Variants in TSC22D1 observed in about 807,000 individuals in gnomAD.
TSC22D1 encodes TSC22 domain family member 1, also known as TSC22 domain family protein 1.
Under a neutral mutation model 74.2 loss-of-function variants are expected in TSC22D1, and 9 were observed. The observed-to-expected ratio is 0.12, with a 90% confidence interval of 0.07 to 0.21. TSC22D1 has a LOEUF of 0.21. Ranked by LOEUF, TSC22D1 falls within the 10% of genes least tolerant of loss-of-function variation. The pLI is 1.00. For missense variants in TSC22D1, 1,427 were observed against 1,304.7 expected (o/e 1.09, Z -1.44); for synonymous variants, 586 against 492.5 (o/e 1.19, Z -2.51).
At chr13:44,435,482 G>A (rs995674133) in intron 2 of TSC22D1, among the ~76,000 whole-genome samples, 1 of 152,224 alleles carries the variant, frequency 6.6e-6, no homozygotes, top group Non-Finnish European at 1.5e-5. Flanking sequence ...CACAGGCGCT[G>A]CTCCAATAAC....
intron 1 of TSC22D1, among the ~76,000 whole-genome samples, chr13:44,517,857 A>ATATATATATTTTTTTTTTTT (rs10627677): frequency 6.2e-5 from 1 of 16,178 alleles, no homozygotes; most frequent in Non-Finnish European, 1.4e-4. Flanking sequence ...ATATATATAT[A>ATATATATATTTTTTTTTTTT]TTTTTTTTTT....
intron 1 of TSC22D1, among the ~76,000 whole-genome samples, chr13:44,549,154 A>T (rs886892569): frequency 3.3e-5 from 5 of 152,176 alleles, no homozygotes; most frequent in Non-Finnish European, 7.3e-5. Flanking sequence ...TATCTATTCA[A>T]GTTCCTCCGT....
In TSC22D1 at chr13:44,495,732, G is replaced by C. The variant is rs147957594; in HGVS notation, c.2913-59637C>G. ...CTACAACCAACTGATTTCAGAAAAG[G>C]GTGTCAAGACCATCCAAAGGAGAAA... On this transcript the variant is annotated intron_variant, in intron 1 of 2. Transcript: ENST00000458659. Among the ~76,000 whole-genome samples, 97 of 152,176 alleles carry C rather than the reference G, an allele frequency of 6.4e-4. 1 individual carries two copies. Among genetic ancestry groups the C allele is most frequent in the Admixed American group, 5.1e-3 (78 of 15,290 alleles).
chr13:44,457,101 C>T (rs747647457), intron 1 of TSC22D1, among the ~76,000 whole-genome samples: 18 of 152,202 alleles, frequency 1.2e-4, no homozygotes, highest in East Asian at 9.6e-4. Context: ...ACAATTTGAG[C>T]GTAATGCACA....
chr13:44,487,522 A>AAAAAAAAAAG (rs1878497347), intron 1 of TSC22D1, among the ~76,000 whole-genome samples: 5 of 148,422 alleles, frequency 3.4e-5, no homozygotes, highest in Non-Finnish European at 7.5e-5. Context: ...AAAAAAAAAA[A>AAAAAAAAAAG]AAAAAGAAAA....
chr13:44,447,379 C>A (rs1384665958), intron 1 of TSC22D1, among the ~76,000 whole-genome samples: 1 of 152,044 alleles, frequency 6.6e-6, no homozygotes, highest in Non-Finnish European at 1.5e-5. Context: ...TAAATATATT[C>A]ATTGAGGAGA....
At chr13:44,500,555 C>T (rs575116278) in intron 1 of TSC22D1, among the ~76,000 whole-genome samples, 59 of 152,300 alleles carry the variant, frequency 3.9e-4, no homozygotes, top group African/African-American at 1.3e-3. Flanking sequence ...GATGAAAGAA[C>T]CAAGCAGTTA....
chr13:44,443,677 G>T (rs1875385508), intron 1 of TSC22D1, among the ~76,000 whole-genome samples: 1 of 152,074 alleles, frequency 6.6e-6, no homozygotes, highest in Non-Finnish European at 1.5e-5. Flanking sequence ...ACATACTGAG[G>T]CTCTGTCTAT....
chr13:44,535,014 TAC>T (rs922117594), intron 1 of TSC22D1, among the ~76,000 whole-genome samples: 23 of 152,172 alleles, frequency 1.5e-4, no homozygotes, highest in African/African-American at 5.5e-4. Flanking sequence ...AGGCTACATA[TAC>T]ACAGAGTACA....
At chr13:44,562,322 T>C (rs576700543) in intron 1 of TSC22D1, among the ~76,000 whole-genome samples, 8 of 152,190 alleles carry the variant, frequency 5.3e-5, no homozygotes, top group African/African-American at 1.4e-4. Context: ...ACTACAGGCA[T>C]GAGCCACCAA....
rs760239645 is a variant in TSC22D1 at position 44,443,249 on chromosome 13, C to T, written c.2913-7154G>A. ...GTACAGAGCAACAAAGAATGATAGCCGACTTCTGGTTGGAAACAATGCTAG... is the reference window on the plus strand; with the variant it reads ...GTACAGAGCAACAAAGAATGATAGCTGACTTCTGGTTGGAAACAATGCTAG... On this transcript the variant is annotated intron_variant, in intron 1 of 2. Transcript: ENST00000458659. 6.6e-5 allele frequency among the ~76,000 whole-genome samples: 10 copies of T among 151,632 alleles called. No homozygotes were observed. In the East Asian group the frequency reaches 1.4e-3, roughly 21 times the overall value.
At chr13:44,530,240 T>C (rs1188188156) in intron 1 of TSC22D1, among the ~76,000 whole-genome samples, 2 of 152,112 alleles carry the variant, frequency 1.3e-5, no homozygotes, top group Non-Finnish European at 2.9e-5. Flanking sequence ...AGCCCAGATG[T>C]AGAACCACAT....
chr13:44,497,982 T>C (rs1290377563), intron 1 of TSC22D1, among the ~76,000 whole-genome samples: 1 of 151,756 alleles, frequency 6.6e-6, no homozygotes, highest in Non-Finnish European at 1.5e-5. Flanking sequence ...CCCCTTCCTA[T>C]CCCTCTGGGC....
intron 1 of TSC22D1, among the ~76,000 whole-genome samples, chr13:44,570,422 G>T (rs1595177596): frequency 1.3e-5 from 2 of 152,046 alleles, no homozygotes; most frequent in East Asian, 3.9e-4. Context: ...AAATTTCTGG[G>T]CTCAAGCAAT....
At chr13:44,450,806 T>C (rs1019437120) in intron 1 of TSC22D1, among the ~76,000 whole-genome samples, 2 of 152,142 alleles carry the variant, frequency 1.3e-5, no homozygotes, top group Non-Finnish European at 2.9e-5. Flanking sequence ...AATACTGGCA[T>C]AAGAAAAGTT....
chr13:44,576,012 C>A lies in TSC22D1; in HGVS notation c.63G>T (p.Lys21Asn). ...GAGGGAACATTGCCGGGTGCGCCAT[C>A]TTCCTAGCGCTAATGTCTGCAGCGG... ...AAAAADISARKMAHPAMFPRR... is the reference protein window; with the variant it reads ...AAAAADISARNMAHPAMFPRR... Residue 21 changes from lysine (K) to asparagine (N), a missense_variant, in exon 1 of 3, where the codon AAG becomes AAT. Coordinates refer to ENST00000458659, the MANE Select transcript of TSC22D1 (RefSeq NM_183422.4). The A allele has an allele frequency of 6.3e-7, 1 of 1,588,478 alleles. No homozygotes were observed.
At chr13:44,490,147 T>A (rs1008030123) in intron 1 of TSC22D1, among the ~76,000 whole-genome samples, 4 of 152,216 alleles carry the variant, frequency 2.6e-5, no homozygotes, top group Non-Finnish European at 5.9e-5. Flanking sequence ...TATATATCTA[T>A]GAAAATGAAC....
Position 44,505,318 on chromosome 13 carries a change from C to T in TSC22D1, c.2912+67845G>A, listed in dbSNP as rs976827100. 3.9e-5 allele frequency among the ~76,000 whole-genome samples: 6 copies of T among 152,250 alleles called. 1 individual carries two copies. Among genetic ancestry groups the T allele is most frequent in the Admixed American group, 6.5e-5 (1 of 15,298 alleles). On this transcript the variant is annotated intron_variant, in intron 1 of 2. Transcript: ENST00000458659. ...AGCTCCTGCCTGTAACCTTGGGAGG[C>T]TGAGGCAGGCAGATCACTTGAGCTC... is the stretch of plus-strand genomic sequence containing the variant.
In TSC22D1 at chr13:44,519,568, G is replaced by A. The variant is rs145214002; in HGVS notation, c.2912+53595C>T. On this transcript the variant is annotated intron_variant, in intron 1 of 2. Coordinates refer to ENST00000458659, the MANE Select transcript of TSC22D1 (RefSeq NM_183422.4). ...AGAGACAGCCAAAAAGTGGTCAAAG[G>A]TAAGACTGGAAAGGTAAATGGCGAC... Among the ~76,000 whole-genome samples, 204 of 152,216 alleles carry A rather than the reference G, an allele frequency of 1.3e-3. 1 individual carries two copies. The highest frequency in any genetic ancestry group is 4.5e-3 in the African/African-American group (187 of 41,534).
Sources: gnomAD v4.1 joint callset for allele counts (sites outside exome capture counted in the v4.1 genomes callset) on GRCh38, gnomAD v4.1.1 for gene constraint, MANE v1.5 for transcripts, NCBI Gene and HGNC (gene_info 2026-07-23, HGNC 2026-07-21) for gene names.